The following CLASP2 variants were observed in gnomAD, a reference collection of about 807,000 sequenced individuals.
CLASP2 encodes the protein cytoplasmic linker associated protein 2.
In CLASP2, 47 loss-of-function variants were observed where a neutral mutation model predicts 194.4. The observed-to-expected ratio is 0.24, with a 90% confidence interval of 0.19 to 0.31. The LOEUF (loss-of-function observed/expected upper bound fraction) is 0.31, where lower values mean the gene tolerates loss of function less well. Ranked by LOEUF, CLASP2 falls within the 10% of genes least tolerant of loss-of-function variation. The pLI is 1.00. For synonymous variants in CLASP2, 619 were observed against 633.5 expected, an observed-to-expected ratio of 0.98 and a Z score of 0.34; for missense variants, 1,445 against 1,823.6, an observed-to-expected ratio of 0.79 and a Z score of 3.78.
At chr3:33,612,879 G>T (rs1303437353) in intron 12 of CLASP2, among the ~76,000 whole-genome samples, 1 of 152,152 alleles carries the variant, frequency 6.6e-6, no homozygotes, top group African/African-American at 2.4e-5. Context: ...GTCATGATCA[G>T]AGGCTAGGAA....
rs112817580 is a variant in CLASP2, at chr3:33,602,858, C to T, written c.1924+94G>A. The T allele has an allele frequency of 9.7e-4, 1,205 of 1,243,088 alleles. 11 individuals carry two copies. In the African/African-American group the frequency reaches 0.016, roughly 16 times the overall value. The allele number at this position is 1,243,088 out of a possible 1,614,324, so 77.0% of individuals were successfully genotyped here. A position where few individuals can be genotyped will look rare whatever the true frequency, so the allele number is the denominator to read the frequency against. The stretch of plus-strand genomic sequence containing the variant: ...AAACATATGGACTATCCTTAAATAA[C>T]AAGAATGAATAGAAATGATTAAGGT... On this transcript the variant is annotated intron_variant, in intron 18 of 38. Transcript: ENST00000682230.
rs540889884 is a variant in CLASP2, at chr3:33,641,177, G to A, written c.862+3580C>T. Among the ~76,000 whole-genome samples the A allele has an allele frequency of 3.4e-4, 51 of 151,718 alleles. No homozygotes were observed. The East Asian group carries it at 9.9e-3, about 29-fold the overall frequency. Reference sequence around the variant, plus strand: ...GAATCTTTCATTTTGAAATTTAAATGAAAGAATATATATAAGAACATTAAA... The same window carrying A: ...GAATCTTTCATTTTGAAATTTAAATAAAAGAATATATATAAGAACATTAAA... On this transcript the variant is annotated intron_variant, in intron 8 of 38. Coordinates refer to ENST00000682230, the MANE Select transcript of CLASP2 (RefSeq NM_001365631.1).
At chr3:33,603,150 C>T in intron 17 of CLASP2, 25 bp from the exon 18 acceptor site, 2 of 1,520,610 alleles carry the variant, frequency 1.3e-6, no homozygotes, top group Non-Finnish European at 1.8e-6. Flanking sequence ...GCAAAGATAA[C>T]TTATATCATT....
At chr3:33,680,049 A>G (rs1390582911) in intron 6 of CLASP2, among the ~76,000 whole-genome samples, 2 of 152,226 alleles carry the variant, frequency 1.3e-5, no homozygotes, top group African/African-American at 2.4e-5. Context: ...AACCCTAAAA[A>G]GAAATGAGCT....
At chr3:33,580,790 C>A (rs1360549007) in intron 23 of CLASP2, among the ~76,000 whole-genome samples, 1 of 151,624 alleles carries the variant, frequency 6.6e-6, no homozygotes, top group Non-Finnish European at 1.5e-5. Context: ...CCGAGGCGGG[C>A]GGATCATGAG....
intron 10 of CLASP2, among the ~76,000 whole-genome samples, chr3:33,626,240 C>A (rs2078030512): frequency 6.6e-6 from 1 of 152,006 alleles, no homozygotes; most frequent in Admixed American, 6.6e-5. Flanking sequence ...TTTAATTCAT[C>A]AAAATAGGGA....
chr3:33,523,723 T>G (rs140801272), intron 34 of CLASP2, among the ~76,000 whole-genome samples: 1 of 152,236 alleles, frequency 6.6e-6, no homozygotes, highest in Non-Finnish European at 1.5e-5. Context: ...TTTTTTGTTT[T>G]CTACATAATC....
At chr3:33,513,049 G>A (rs2050375727) in intron 36 of CLASP2, among the ~76,000 whole-genome samples, 1 of 152,096 alleles carries the variant, frequency 6.6e-6, no homozygotes, top group Non-Finnish European at 1.5e-5. Context: ...CTGGACGTTA[G>A]AAGACCCAGG....
chr3:33,647,809 T>C (rs1575230766), intron 7 of CLASP2, among the ~76,000 whole-genome samples: 1 of 151,750 alleles, frequency 6.6e-6, no homozygotes, highest in African/African-American at 2.4e-5. Context: ...CCGAGGCAGG[T>C]GGGTGACGAG....
chr3:33,663,606 A>G, intron 6 of CLASP2, 91 bp from the exon 7 acceptor site: 1 of 857,858 alleles, frequency 1.2e-6, no homozygotes, highest in Non-Finnish European at 1.9e-6. Context: ...CTTAGAAAAA[A>G]CAATTGTAGG....
At chr3:33,543,082 G>A (rs924073308) in intron 32 of CLASP2, among the ~76,000 whole-genome samples, 5 of 152,082 alleles carry the variant, frequency 3.3e-5, no homozygotes, top group African/African-American at 9.7e-5. Flanking sequence ...TTTTAAGAAT[G>A]GAATTTACAG....
At chr3:33,629,296 T>C (rs1159328148) in intron 9 of CLASP2, among the ~76,000 whole-genome samples, 1 of 152,132 alleles carries the variant, frequency 6.6e-6, no homozygotes, top group African/African-American at 2.4e-5. Context: ...TGAACCTACA[T>C]GAGATTACTG....
chr3:33,608,619 A>T lies in CLASP2; in HGVS notation c.1396T>A (p.Phe466Ile). The change falls in exon 14 of 39, where the codon TTT (phenylalanine) becomes ATT (isoleucine). Residue 466 changes from phenylalanine (F) to isoleucine (I), a missense_variant. Phe to Ile is a conservative substitution (Grantham distance 21). Around this residue, in one of 4 missense-constraint regions of CLASP2, gnomAD observed 207 missense variants for 331.4 expected, o/e 0.62. Coordinates refer to ENST00000682230, the MANE Select transcript of CLASP2 (RefSeq NM_001365631.1). Reference sequence around the variant, plus strand: ...TGCAACAATAAATCTAAAAATTCAAATGAACGTCTGAAAAATAAAAGTTGA... The same window carrying T: ...TGCAACAATAAATCTAAAAATTCAATTGAACGTCTGAAAAATAAAAGTTGA... ...SKSVPVRRRS[F>I]EFLDLLLQEW... is the part of the protein sequence containing the mutation. 1 of 1,608,164 alleles carries T rather than the reference A, an allele frequency of 6.2e-7. No individual in the cohort carries two copies. The highest frequency in any genetic ancestry group is 8.5e-7 in the Non-Finnish European group (1 of 1,176,320).
rs758746360 is a variant in CLASP2, at chr3:33,611,987, A to G, written c.1388+14T>C. 1.3e-6 allele frequency: 2 copies of G among 1,581,588 alleles called. No individual in the cohort carries two copies. The highest frequency in any genetic ancestry group is 3.4e-5 in the Admixed American group (2 of 58,786). ...GCTATACTAACAACAACAACAACAA[A>G]AAATTAAACTTACCTCCTCACGGGA... On this transcript the variant is annotated intron_variant, in intron 13 of 38. Transcript: ENST00000682230.
In CLASP2 at chr3:33,559,383, T is replaced by G; in HGVS notation, c.2933A>C (p.Glu978Ala). The G allele has an allele frequency of 6.3e-7, 1 of 1,579,770 alleles. No individual in the cohort carries two copies. The highest frequency in any genetic ancestry group is 2.3e-5 in the East Asian group (1 of 44,218). Residue 978 changes from glutamate (E) to alanine (A), a missense_variant and splice_region_variant, in exon 29 of 39, where the codon GAG becomes GCG. This residue lies in a region of CLASP2 where 732 missense variants were observed against 987.9 expected (regional missense o/e 0.74). Coordinates refer to ENST00000682230, the MANE Select transcript of CLASP2 (RefSeq NM_001365631.1). ...GAACTGAAGATCATTTGGAAAAGACTCTCTGAAACAAGAACAAAGCAAAAC... is the reference window on the plus strand; with the variant it reads ...GAACTGAAGATCATTTGGAAAAGACGCTCTGAAACAAGAACAAAGCAAAAC... Reference protein sequence around the residue: ...KVQKALDVTRESFPNDLQFNI... With the variant: ...KVQKALDVTRASFPNDLQFNI...
chr3:33,626,095 A>C (rs1252526373), intron 10 of CLASP2, among the ~76,000 whole-genome samples: 4 of 152,140 alleles, frequency 2.6e-5, no homozygotes, highest in Non-Finnish European at 4.4e-5. Flanking sequence ...CATATTTAAC[A>C]AATTTGGAGG....
At chr3:33,667,502 A>G (rs1329835327) in intron 6 of CLASP2, among the ~76,000 whole-genome samples, 2 of 151,188 alleles carry the variant, frequency 1.3e-5, no homozygotes, top group African/African-American at 4.9e-5. Context: ...TCCTTGAAGC[A>G]TAAGTTTTTA....
chr3:33,715,785 T>G (rs1262221800), intron 1 of CLASP2, among the ~76,000 whole-genome samples: 1 of 149,092 alleles, frequency 6.7e-6, no homozygotes, highest in Non-Finnish European at 1.5e-5. Context: ...TCTATTTGTA[T>G]GTTCAAAAGC....
At chr3:33,595,865 T>C (rs1006994925) in intron 19 of CLASP2, among the ~76,000 whole-genome samples, 7 of 152,026 alleles carry the variant, frequency 4.6e-5, no homozygotes, top group Non-Finnish European at 8.8e-5. Flanking sequence ...CAGACACTAA[T>C]ATAACTAGCA....
Sources: allele counts gnomAD v4.1 joint callset (sites outside exome capture counted in the v4.1 genomes callset), GRCh38; gene constraint gnomAD v4.1.1; regional missense constraint gnomAD v4.1.1; transcripts MANE v1.5; gene names NCBI Gene and HGNC (gene_info 2026-07-23, HGNC 2026-07-21).